Variants in HPSE2 observed in about 807,000 individuals in gnomAD.
HPSE2 encodes the protein heparanase 2 (inactive), also known as inactive heparanase-2.
HPSE2 carries 38 observed loss-of-function variants against 60.5 expected under a neutral mutation model. The ratio of observed to expected loss-of-function variants is 0.63; its 90% confidence interval spans 0.48 to 0.82. HPSE2 has a LOEUF of 0.82. Among genes scored for constraint, HPSE2 ranks in the 40% least tolerant of loss-of-function variants. The pLI is 0.00. For synonymous variants in HPSE2, 295 were observed against 293.2 expected (o/e 1.01, Z -0.06); for missense variants, 713 against 740.4 (o/e 0.96, Z 0.43).
intron 4 of HPSE2, among the ~76,000 whole-genome samples, chr10:98,737,784 C>T (rs1177612700): frequency 1.3e-5 from 2 of 152,148 alleles, no homozygotes; most frequent in Non-Finnish European, 2.9e-5. Context: ...TGAAGGACTT[C>T]TTCCAGGAGA....
intron 1 of HPSE2, among the ~76,000 whole-genome samples, chr10:99,232,884 CT>C (rs1343764967): frequency 1.3e-5 from 2 of 152,268 alleles, no homozygotes; most frequent in Non-Finnish European, 2.9e-5. Context: ...CAGGAAAGCG[CT>C]CCGGGCGGAG....
chr10:99,169,364 G>C (rs1847215586), intron 2 of HPSE2, among the ~76,000 whole-genome samples: 1 of 150,986 alleles, frequency 6.6e-6, no homozygotes, highest in South Asian at 2.1e-4. Context: ...AATTAGCCGG[G>C]CGTGGTGGCA....
In HPSE2 at chr10:98,541,431, G is replaced by A. The variant is rs181802409; in HGVS notation, c.1321-51235C>T. 1.2e-4 allele frequency among the ~76,000 whole-genome samples: 18 copies of A among 152,326 alleles called. No individual in the cohort carries two copies. In the East Asian group the frequency reaches 1.7e-3, roughly 15 times the overall value. On this transcript the variant is annotated intron_variant, in intron 9 of 11. Transcript: ENST00000370552. Reference sequence around the variant, plus strand: ...TTTCTGCATTTCCATCTGAGGTACCGGGTTCATCTCACTAGGGAGTGCCAG... The same window carrying A: ...TTTCTGCATTTCCATCTGAGGTACCAGGTTCATCTCACTAGGGAGTGCCAG...
chr10:98,548,616 C>CAA (rs71007398), intron 9 of HPSE2, among the ~76,000 whole-genome samples: 99 of 140,094 alleles, frequency 7.1e-4, no homozygotes, highest in African/African-American at 2.5e-3. Flanking sequence ...GACTCCATCT[C>CAA]AAAAAAAAAA....
At chr10:99,208,684 C>A (rs1299586661) in intron 2 of HPSE2, among the ~76,000 whole-genome samples, 82 of 142,792 alleles carry the variant, frequency 5.7e-4, no homozygotes, top group Non-Finnish European at 8.4e-4. Context: ...GATCCAGTCT[C>A]AAAAAATAAA....
At chr10:99,303,386 A>T in the HPSE2 span, among the ~76,000 whole-genome samples, 2 of 152,110 alleles carry the variant, frequency 1.3e-5, no homozygotes, top group Non-Finnish European at 2.9e-5. Context: ...CCATATTATC[A>T]ACTTAGGCCA....
At chr10:98,902,924 T>C (rs537383710) in intron 3 of HPSE2, among the ~76,000 whole-genome samples, 2 of 152,196 alleles carry the variant, frequency 1.3e-5, no homozygotes, top group East Asian at 3.9e-4. Flanking sequence ...CTCCTAGATA[T>C]ACACACCCAG....
the HPSE2 span, among the ~76,000 whole-genome samples, chr10:99,284,283 T>A: frequency 1.3e-5 from 2 of 152,118 alleles, no homozygotes; most frequent in African/African-American, 2.4e-5. Context: ...GAAAAAAACA[T>A]ATAATGACCT....
At chr10:98,461,923 G>A in intron 11 of HPSE2, 1 of 861,364 alleles carries the variant, frequency 1.2e-6, no homozygotes, top group Non-Finnish European at 1.9e-6. Context: ...TTTATTGGTT[G>A]GTTAAAAAGC....
chr10:98,979,400 G>T (rs1465637049), intron 3 of HPSE2, among the ~76,000 whole-genome samples: 2 of 152,126 alleles, frequency 1.3e-5, no homozygotes, highest in Non-Finnish European at 2.9e-5. Flanking sequence ...ATGAGATGAT[G>T]ACCTATTTTT....
At chr10:98,792,336 A>G (rs1950673077) in intron 3 of HPSE2, among the ~76,000 whole-genome samples, 1 of 152,176 alleles carries the variant, frequency 6.6e-6, no homozygotes. Context: ...CATAAGAAAG[A>G]GTGAAAGGAA....
At chr10:99,178,733 A>G (rs1178441613) in intron 2 of HPSE2, among the ~76,000 whole-genome samples, 2 of 152,188 alleles carry the variant, frequency 1.3e-5, no homozygotes, top group African/African-American at 2.4e-5. Flanking sequence ...TATTCCAAAC[A>G]ACAGAAAAAG....
intron 5 of HPSE2, among the ~76,000 whole-genome samples, chr10:98,696,475 T>G (rs1948221245): frequency 6.6e-6 from 1 of 151,988 alleles, no homozygotes; most frequent in Non-Finnish European, 1.5e-5. Flanking sequence ...GCCCCGATCC[T>G]CAGTCAGGAA....
intron 3 of HPSE2, among the ~76,000 whole-genome samples, chr10:98,987,818 G>A (rs957323536): frequency 5.3e-5 from 8 of 151,994 alleles, no homozygotes; most frequent in South Asian, 2.1e-4. Flanking sequence ...AAATCAATGT[G>A]CAAAAATCAC....
chr10:98,476,466 T>TATA (rs1337346028), intron 11 of HPSE2, among the ~76,000 whole-genome samples: 1 of 149,282 alleles, frequency 6.7e-6, no homozygotes, highest in Non-Finnish European at 1.5e-5. Context: ...AAACTTAAAG[T>TATA]ATAATAATAA....
intron 6 of HPSE2, among the ~76,000 whole-genome samples, chr10:98,678,261 C>G (rs77346573): frequency 2.0e-5 from 3 of 152,100 alleles, no homozygotes; most frequent in African/African-American, 7.2e-5. Flanking sequence ...CATTTTTCCC[C>G]CATCCACATG....
At chr10:99,136,405 C>A (rs1053298570) in intron 3 of HPSE2, among the ~76,000 whole-genome samples, 3 of 152,164 alleles carry the variant, frequency 2.0e-5, no homozygotes, top group African/African-American at 7.2e-5. Context: ...CCAGCATCAT[C>A]CTGATACCAA....
intron 3 of HPSE2, among the ~76,000 whole-genome samples, chr10:99,107,271 G>T (rs73329904): frequency 6.6e-6 from 1 of 152,224 alleles, no homozygotes; most frequent in South Asian, 2.1e-4. Context: ...TTTTGAAACA[G>T]AGTATTTAAA....
intron 3 of HPSE2, among the ~76,000 whole-genome samples, chr10:98,800,054 A>T (rs1419558482): frequency 6.6e-6 from 1 of 152,106 alleles, no homozygotes; most frequent in Non-Finnish European, 1.5e-5. Context: ...ACAAAGAAAA[A>T]AAAAGGGAGA....
Sources: allele counts gnomAD v4.1 joint callset (sites outside exome capture counted in the v4.1 genomes callset), GRCh38; gene constraint gnomAD v4.1.1; transcripts MANE v1.5; gene names NCBI Gene and HGNC (gene_info 2026-07-23, HGNC 2026-07-21).